Variants in PRUNE1 observed in about 807,000 individuals in gnomAD.
PRUNE1 encodes the protein exopolyphosphatase PRUNE1.
PRUNE1 carries 25 observed loss-of-function variants against 42.5 expected under a neutral mutation model. That is an observed-to-expected ratio of 0.59 (90% CI 0.43 to 0.82). The LOEUF (loss-of-function observed/expected upper bound fraction) is 0.82, where lower values mean the gene tolerates loss of function less well. Ranked by LOEUF, PRUNE1 falls within the 40% of genes least tolerant of loss-of-function variation. The pLI is 0.00. For missense variants in PRUNE1, 443 were observed against 539.3 expected (o/e 0.82, Z 1.77); for synonymous variants, 203 against 217.1 (o/e 0.93, Z 0.57).
chr1:151,030,100 A>G (rs1311166256), intron 7 of PRUNE1, among the ~76,000 whole-genome samples: 1 of 151,932 alleles, frequency 6.6e-6, no homozygotes, highest in Non-Finnish European at 1.5e-5. Context: ...CATCTCTTTT[A>G]AAAATACGGA....
chr1:151,033,733 C>G (rs1304589666), intron 7 of PRUNE1, 73 bp from the exon 8 acceptor site: 2 of 1,411,466 alleles, frequency 1.4e-6, no homozygotes, highest in Admixed American at 4.0e-5. Flanking sequence ...ATAGAGGAAG[C>G]CTCTCACTTA....
chr1:151,013,719 A>C (rs1026213481), intron 1 of PRUNE1, among the ~76,000 whole-genome samples: 4 of 151,912 alleles, frequency 2.6e-5, no homozygotes, highest in Non-Finnish European at 2.9e-5. Context: ...TCTAGAGAAC[A>C]CTCGCTCCCC....
chr1:151,008,469 C>G lies in PRUNE1; in HGVS notation c.-164C>G. Reference sequence around the variant, plus strand: ...GGAGCGCCCGCTTACGCAGTTCCTCCCGGGGTCGGAGGCCGATTCGCCGTG... The same window carrying G: ...GGAGCGCCCGCTTACGCAGTTCCTCGCGGGGTCGGAGGCCGATTCGCCGTG... On this transcript the variant is annotated 5_prime_UTR_variant, in exon 1 of 8. Transcript: ENST00000271620. 8.7e-7 allele frequency: 1 copy of G among 1,153,680 alleles called. No homozygotes were observed. Among genetic ancestry groups the G allele is most frequent in the South Asian group, 1.4e-5 (1 of 73,324 alleles). 71.5% of individuals were successfully genotyped at this position (1,153,680 alleles called of 1,614,324 possible).
In PRUNE1 at chr1:151,018,573, A is replaced by C; in HGVS notation, c.239A>C (p.Glu80Ala). ...VFFLQKVHIP[E>A]SILIFRDEID... is the part of the protein sequence containing the mutation. ...TTTCTTCAGAAGGTTCATATTCCAG[A>C]GAGTATCTTGATTTTTCGGGATGAG... Residue 80 changes from glutamate to alanine, a missense_variant, in exon 3 of 8, where the codon GAG (glutamate) becomes GCG (alanine). Glu to Ala is a moderately radical substitution (Grantham distance 107, BLOSUM62 -1). Coordinates refer to ENST00000271620, the MANE Select transcript of PRUNE1 (RefSeq NM_021222.3). 1 of 1,614,062 alleles carries C rather than the reference A, an allele frequency of 6.2e-7. No individual in the cohort carries two copies. The highest frequency in any genetic ancestry group is 8.5e-7 in the Non-Finnish European group (1 of 1,179,950).
At chr1:151,010,163 T>C (rs1344273674) in intron 1 of PRUNE1, among the ~76,000 whole-genome samples, 1 of 151,880 alleles carries the variant, frequency 6.6e-6, no homozygotes, top group African/African-American at 2.4e-5. Context: ...AGTGCAATGG[T>C]GTGATCACCT....
intron 1 of PRUNE1, among the ~76,000 whole-genome samples, chr1:151,013,587 G>C (rs1673914171): frequency 6.6e-6 from 1 of 152,144 alleles, no homozygotes; most frequent in Admixed American, 6.5e-5. Flanking sequence ...AGCGTGGAAA[G>C]GTTCTCCAGC....
At chr1:151,011,806 G>C (rs930668808) in intron 1 of PRUNE1, among the ~76,000 whole-genome samples, 1 of 148,642 alleles carries the variant, frequency 6.7e-6, no homozygotes, top group Non-Finnish European at 1.5e-5. Context: ...TTGAGACAAA[G>C]TCTCGCTCTG....
At position 151,033,973 on chromosome 1, in the gene PRUNE1, G is replaced by T; in HGVS notation, c.1101G>T (p.Lys367Asn). 1.9e-6 allele frequency: 3 copies of T among 1,614,158 alleles called. No individual in the cohort carries two copies. Among genetic ancestry groups the T allele is most frequent in the Non-Finnish European group, 2.5e-6 (3 of 1,180,014 alleles). ...TGTCAGCATATTTTGACTCCATGAA[G>T]ATCCCTTCAGGACAGCCTGAGACAG... ...EALSAYFDSM[K>N]IPSGQPETAD... Residue 367 changes from lysine to asparagine, a missense_variant, in exon 8 of 8, where the codon AAG becomes AAT. Coordinates refer to ENST00000271620, the MANE Select transcript of PRUNE1 (RefSeq NM_021222.3).
At chr1:151,022,641 G>C (rs915527090) in intron 3 of PRUNE1, 1 of 146,168 alleles carries the variant, frequency 6.8e-6, no homozygotes. Flanking sequence ...GGATGGTCTC[G>C]ATCTGACCTC....
intron 5 of PRUNE1, among the ~76,000 whole-genome samples, chr1:151,026,411 T>C (rs1010466084): frequency 4.0e-5 from 6 of 151,884 alleles, no homozygotes; most frequent in Non-Finnish European, 7.4e-5. Flanking sequence ...TGAGCCGAGA[T>C]TGCGCCATTG....
At chr1:151,024,138 G>C (rs1409859763) in intron 3 of PRUNE1, among the ~76,000 whole-genome samples, 1 of 146,952 alleles carries the variant, frequency 6.8e-6, no homozygotes, top group East Asian at 2.0e-4. Context: ...CAGGAGCCGA[G>C]ATCGTGCCAT....
chr1:151,028,235 ATGTT>A (rs762893321), intron 6 of PRUNE1, among the ~76,000 whole-genome samples: 58 of 151,952 alleles, frequency 3.8e-4, no homozygotes, highest in Middle Eastern at 3.4e-3. Flanking sequence ...TTATGTATGT[ATGTT>A]TGTTTGTTTG....
At chr1:151,012,101 A>G (rs1399300152) in intron 1 of PRUNE1, among the ~76,000 whole-genome samples, 1 of 151,742 alleles carries the variant, frequency 6.6e-6, no homozygotes, top group Non-Finnish European at 1.5e-5. Context: ...TAAAAAAAAG[A>G]AAAAAGAAAA....
chr1:151,024,501 A>G (rs1674694983), intron 3 of PRUNE1, 110 bp from the exon 4 acceptor site: 1 of 1,105,798 alleles, frequency 9.0e-7, no homozygotes, highest in Non-Finnish European at 1.3e-6. Flanking sequence ...GTCTCAAAAA[A>G]AAAAAGACAT....
At chr1:151,018,353 C>T (rs1473977287) in intron 2 of PRUNE1, 114 bp from the exon 3 acceptor site, 1 of 936,784 alleles carries the variant, frequency 1.1e-6, no homozygotes, top group Non-Finnish European at 1.7e-6. Flanking sequence ...GTACTTATGG[C>T]TTTGAGAAAG....
Position 151,008,504 on chromosome 1 carries a change from C to T in PRUNE1, c.-129C>T. On this transcript the variant is annotated 5_prime_UTR_variant, in exon 1 of 8. Transcript: ENST00000271620. ...AGGCCGATTCGCCGTGTGGCGGGTT[C>T]GAGTCCCGCCTCCTGACTCTGGCCT... The T allele has an allele frequency of 7.7e-7, 1 of 1,303,196 alleles. No homozygotes were observed. The highest frequency in any genetic ancestry group is 1.1e-6 in the Non-Finnish European group (1 of 907,996). The allele number at this position is 1,303,196 out of a possible 1,614,324, so 80.7% of individuals were successfully genotyped here.
At chr1:151,022,568 C>A (rs1674533170) in intron 3 of PRUNE1, among the ~76,000 whole-genome samples, 1 of 150,820 alleles carries the variant, frequency 6.6e-6, no homozygotes, top group Non-Finnish European at 1.5e-5. Flanking sequence ...ACAGGTGTGC[C>A]CGCCACCACA....
chr1:151,032,474 G>C (rs767126699), intron 7 of PRUNE1, among the ~76,000 whole-genome samples: 11 of 151,950 alleles, frequency 7.2e-5, no homozygotes, highest in African/African-American at 2.7e-4. Context: ...CACTTTGGGA[G>C]GCCGAGGCGA....
intron 1 of PRUNE1, chr1:151,008,886 T>C: frequency 1.4e-6 from 1 of 702,748 alleles, no homozygotes; most frequent in South Asian, 1.5e-5. Flanking sequence ...CTCCCGGTTT[T>C]TGGCTCCCCG....
Sources: gnomAD v4.1 joint callset for allele counts (sites outside exome capture counted in the v4.1 genomes callset) on GRCh38, gnomAD v4.1.1 for gene constraint, MANE v1.5 for transcripts, NCBI Gene and HGNC (gene_info 2026-07-23, HGNC 2026-07-21) for gene names.